Variants in PIK3R6 observed in about 807,000 individuals in gnomAD.
The protein encoded by PIK3R6 is phosphoinositide-3-kinase regulatory subunit 6, also known as phosphoinositide 3-kinase regulatory subunit 6.
In PIK3R6, 91 loss-of-function variants were observed where a neutral mutation model predicts 84.9. The observed-to-expected ratio is 1.07, with a 90% CI of 0.90 to 1.28. The LOEUF is 1.28. Ranked by LOEUF, PIK3R6 falls within the 50% of genes most tolerant of loss-of-function variation. The pLI is 0.00. For missense variants in PIK3R6, 996 were observed against 985.1 expected, an observed-to-expected ratio of 1.01 and a Z score of -0.15; for synonymous variants, 416 against 411.4, an observed-to-expected ratio of 1.01 and a Z score of -0.13.
At chr17:8,849,117 TC>T (rs1349754974) in intron 2 of PIK3R6, among the ~76,000 whole-genome samples, 1 of 147,790 alleles carries the variant, frequency 6.8e-6, no homozygotes, top group African/African-American at 2.5e-5. Context: ...GGCCCCACTT[TC>T]TGGCTTTGCC....
intron 18 of PIK3R6, among the ~76,000 whole-genome samples, chr17:8,814,213 A>ATTTTTT (rs528042541): frequency 3.9e-5 from 3 of 76,398 alleles, no homozygotes; most frequent in South Asian, 5.9e-4. Context: ...TCAGAGAGAG[A>ATTTTTT]TCTTTTTTTT....
At chr17:8,863,736 T>C (rs1054000658) in intron 1 of PIK3R6, among the ~76,000 whole-genome samples, 1 of 152,186 alleles carries the variant, frequency 6.6e-6, no homozygotes, top group Non-Finnish European at 1.5e-5. Flanking sequence ...GGTTTCACCA[T>C]GTTGGCCAGA....
At position 8,823,244 on chromosome 17, in the gene PIK3R6, A is replaced by C. The variant is rs1436506033; in HGVS notation, c.1626+143T>G. The C allele has an allele frequency of 6.3e-6, 5 of 799,706 alleles. No homozygotes were observed. The South Asian group carries it at 8.6e-5, about 14-fold the overall frequency. The allele number at this position is 799,706 out of a possible 1,614,324, so 49.5% of individuals were successfully genotyped here. A position where few individuals can be genotyped will look rare whatever the true frequency, so the allele number is the denominator to read the frequency against. On this transcript the variant is annotated intron_variant, in intron 14 of 19. Coordinates refer to ENST00000619866, the MANE Select transcript of PIK3R6 (RefSeq NM_001010855.4). ...AAGTTAATAATGATCTGATTCATTT[A>C]GAGATGAAGAAGGTAACGTTAATAA... is the stretch of plus-strand genomic sequence containing the variant.
Position 8,836,873 on chromosome 17 carries a change from TG to T in PIK3R6, c.308del (p.Thr103LysfsTer4). On this transcript the variant is annotated frameshift_variant, in exon 6 of 20. Transcript: ENST00000619866. LOFTEE classifies it high-confidence loss of function. Reference sequence around the variant, plus strand: ...AGGGGGTGGGCAGGGTCAGTAACCTTGTGCAAAAGGCATAGATTCTCTGGTA... The same window carrying T: ...AGGGGGTGGGCAGGGTCAGTAACCTTTGCAAAAGGCATAGATTCTCTGGTA... Reference protein sequence around the residue: ...ELYQRIYAFCTRLLTLPTPYC... With the variant: ...ELYQRIYAFCXRLLTLPTPYC... 6.4e-7 allele frequency: 1 copy of T among 1,566,564 alleles called. No individual in the cohort carries two copies. The highest frequency in any genetic ancestry group is 1.2e-5 in the South Asian group (1 of 85,176).
At chr17:8,851,254 T>C (rs1366043303) in intron 1 of PIK3R6, among the ~76,000 whole-genome samples, 2 of 151,952 alleles carry the variant, frequency 1.3e-5, no homozygotes, top group African/African-American at 2.4e-5. Flanking sequence ...TCCCAGCATT[T>C]TGGGAGGCCG....
intron 10 of PIK3R6, 76 bp downstream of exon 10, chr17:8,829,630 A>T: frequency 7.1e-7 from 1 of 1,405,316 alleles, no homozygotes. Context: ...ATGCACACTG[A>T]CACACACTCA....
chr17:8,828,286 T>G, intron 11 of PIK3R6, 96 bp from the exon 12 acceptor site: 1 of 1,288,058 alleles, frequency 7.8e-7, no homozygotes, highest in Non-Finnish European at 1.1e-6. Flanking sequence ...CTTGGGCAAT[T>G]TGTGTCATCT....
At chr17:8,830,285 G>T (rs1055816016) in intron 9 of PIK3R6, among the ~76,000 whole-genome samples, 1 of 152,222 alleles carries the variant, frequency 6.6e-6, no homozygotes, top group Admixed American at 6.5e-5. Flanking sequence ...AAAGTTTGGG[G>T]GCAGCAGGAA....
At chr17:8,823,129 C>A in intron 14 of PIK3R6, 43 bp from the exon 15 acceptor site, 1 of 1,415,538 alleles carries the variant, frequency 7.1e-7, no homozygotes, top group South Asian at 1.2e-5. Flanking sequence ...GTGTGATTTC[C>A]AAATCACTCT....
chr17:8,829,513 T>C (rs1205109629), intron 10 of PIK3R6, among the ~76,000 whole-genome samples, 193 bp downstream of exon 10: 1 of 102,838 alleles, frequency 9.7e-6, no homozygotes, highest in Non-Finnish European at 1.9e-5. Flanking sequence ...CACACACTCA[T>C]GCATACACAC....
Position 8,829,751 on chromosome 17 carries a change from T to C in PIK3R6, c.844A>G (p.Ser282Gly). Residue 282 changes from serine to glycine, a missense_variant, in exon 10 of 20, where the codon AGC becomes GGC. Physicochemically the swap from Ser to Gly is moderately conservative, Grantham distance 56. Coordinates refer to ENST00000619866, the MANE Select transcript of PIK3R6 (RefSeq NM_001010855.4). Reference protein sequence around the residue: ...QERPPSIPLPSPYITFHLWTG... With the variant: ...QERPPSIPLPGPYITFHLWTG... ...CACAAGTGGAAGGTGATGTAGGGGCTGGGCAGGGGAATGCTTGGTGGCCGC... is the reference window on the plus strand; with the variant it reads ...CACAAGTGGAAGGTGATGTAGGGGCCGGGCAGGGGAATGCTTGGTGGCCGC... The C allele has an allele frequency of 6.4e-7, 1 of 1,553,574 alleles. No homozygotes were observed. The highest frequency in any genetic ancestry group is 8.7e-7 in the Non-Finnish European group (1 of 1,148,322).
rs1165091051 is a variant in PIK3R6, at chr17:8,823,165, C to T, written c.1627-79G>A. The T allele has an allele frequency of 2.0e-5, 22 of 1,112,768 alleles. No homozygotes were observed. In the Admixed American group the frequency reaches 2.7e-4, roughly 14 times the overall value. 68.9% of individuals were successfully genotyped at this position (1,112,768 alleles called of 1,614,324 possible). ...ATCCCTGATTTCCAGGGATCCAGGG[C>T]CATGGAGAACCCTTCCACATAAAGA... On this transcript the variant is annotated intron_variant, in intron 14 of 19. Coordinates refer to ENST00000619866, the MANE Select transcript of PIK3R6 (RefSeq NM_001010855.4).
intron 18 of PIK3R6, among the ~76,000 whole-genome samples, chr17:8,810,550 A>G (rs1188001032): frequency 3.4e-5 from 5 of 148,646 alleles, no homozygotes; most frequent in African/African-American, 7.5e-5. Flanking sequence ...TCTGCTTATG[A>G]GCCTGTAAAA....
At chr17:8,846,690 T>C (rs12943353) in intron 2 of PIK3R6, among the ~76,000 whole-genome samples, 35,664 of 151,842 alleles carry the variant, frequency 0.23, 4,562 homozygotes, top group African/African-American at 0.34. Context: ...TCCTTGGATA[T>C]CTGACATTTA....
Position 8,823,073 on chromosome 17 carries a change from T to G in PIK3R6, c.1640A>C (p.Asp547Ala). The G allele has an allele frequency of 6.2e-7, 1 of 1,605,112 alleles. No homozygotes were observed. The highest frequency in any genetic ancestry group is 8.5e-7 in the Non-Finnish European group (1 of 1,171,922). ...GTCCTCAGTAGGGTCTTGGCTCAGGTCACTGAAAAAGATCTGGAGAGAGGA... is the reference window on the plus strand; with the variant it reads ...GTCCTCAGTAGGGTCTTGGCTCAGGGCACTGAAAAAGATCTGGAGAGAGGA... The part of the protein sequence containing the change: ...QIYTVKIFFS[D>A]LSQDPTEDIF... The change falls in exon 15 of 20, where the codon GAC becomes GCC. Residue 547 changes from aspartate (D) to alanine (A), a missense_variant. Asp to Ala is a moderately radical substitution (Grantham distance 126, BLOSUM62 -2). Coordinates refer to ENST00000619866, the MANE Select transcript of PIK3R6 (RefSeq NM_001010855.4).
chr17:8,828,334 A>G, intron 11 of PIK3R6, 144 bp from the exon 12 acceptor site: 4 of 967,024 alleles, frequency 4.1e-6, no homozygotes, highest in Non-Finnish European at 4.7e-6. Context: ...AAATGGGTAC[A>G]GTAATGTCTC....
chr17:8,808,254 G>A (rs866729222), intron 18 of PIK3R6, among the ~76,000 whole-genome samples: 3 of 152,092 alleles, frequency 2.0e-5, no homozygotes, highest in African/African-American at 7.2e-5. Context: ...TAAGAGCTTC[G>A]CATGCCACAA....
At chr17:8,813,477 T>A (rs1597379144) in intron 18 of PIK3R6, among the ~76,000 whole-genome samples, 4 of 152,276 alleles carry the variant, frequency 2.6e-5, no homozygotes, top group Admixed American at 2.6e-4. Flanking sequence ...TAGACCAATA[T>A]GCCTGATGAA....
chr17:8,811,361 T>C (rs915950493), intron 18 of PIK3R6, among the ~76,000 whole-genome samples: 1 of 148,598 alleles, frequency 6.7e-6, no homozygotes, highest in African/African-American at 2.5e-5. Flanking sequence ...TGAAGACCTC[T>C]GACATGCCCT....
Sources: allele counts gnomAD v4.1 joint callset (sites outside exome capture counted in the v4.1 genomes callset), GRCh38; gene constraint gnomAD v4.1.1; transcripts MANE v1.5; gene names NCBI Gene and HGNC (gene_info 2026-07-23, HGNC 2026-07-21).